The following PCDHGB4 variants were observed in gnomAD, a reference collection of about 807,000 sequenced individuals.
PCDHGB4 encodes the protein protocadherin gamma-B4.
PCDHGB4 carries 38 observed loss-of-function variants against 60.5 expected under a neutral mutation model. The ratio of observed to expected loss-of-function variants is 0.63; its 90% CI spans 0.48 to 0.82. PCDHGB4 has a LOEUF of 0.82. PCDHGB4 is among the 40% of genes least tolerant of loss of function. The pLI, the probability that PCDHGB4 is intolerant of heterozygous loss-of-function variation, is 0.00. For synonymous variants in PCDHGB4, 456 were observed against 509.7 expected (o/e 0.89, Z 1.42); for missense variants, 1,109 against 1,209.6 (o/e 0.92, Z 1.23).
chr5:141,504,956 G>A (rs1327603937), intron 2 of PCDHGB4, among the ~76,000 whole-genome samples: 1 of 152,096 alleles, frequency 6.6e-6, no homozygotes, highest in Non-Finnish European at 1.5e-5. Context: ...TATGTTCAAT[G>A]CATTGGACCA....
intron 1 of PCDHGB4, chr5:141,405,447 T>C (rs2094668355): frequency 7.5e-7 from 1 of 1,339,134 alleles, no homozygotes; most frequent in South Asian, 1.3e-5. Flanking sequence ...TGAGACAGAG[T>C]CTTACTCTGT....
chr5:141,409,809 A>T (rs754765049), intron 1 of PCDHGB4: 62 of 1,611,424 alleles, frequency 3.8e-5, no homozygotes, highest in Non-Finnish European at 7.6e-6. Context: ...CAGGCCCGCG[A>T]CCACGGCTCG....
chr5:141,437,408 G>A (rs1591455458), intron 1 of PCDHGB4, among the ~76,000 whole-genome samples: 1 of 152,200 alleles, frequency 6.6e-6, no homozygotes, highest in Non-Finnish European at 1.5e-5. Flanking sequence ...CATTCCAGAA[G>A]TATTATGCTT....
chr5:141,494,782 C>T, intron 1 of PCDHGB4, 25 bp from the exon 2 acceptor site: 1 of 1,614,110 alleles, frequency 6.2e-7, no homozygotes. Context: ...GGTACTCAGC[C>T]CCTTTCCCTC....
At chr5:141,400,097 A>C (rs753507768) in intron 1 of PCDHGB4, 1 of 1,614,048 alleles carries the variant, frequency 6.2e-7, no homozygotes, top group South Asian at 1.1e-5. Context: ...GCCACGCTGC[A>C]CTTGGTCTTT....
chr5:141,434,044 A>T (rs2097670450), intron 1 of PCDHGB4, among the ~76,000 whole-genome samples: 2 of 152,132 alleles, frequency 1.3e-5, no homozygotes, highest in South Asian at 4.1e-4. Flanking sequence ...TTTCTATTTT[A>T]TTCAATGGCC....
chr5:141,423,848 G>C (rs1353181066), intron 1 of PCDHGB4: 1 of 1,277,462 alleles, frequency 7.8e-7, no homozygotes, highest in Non-Finnish European at 9.9e-7. Flanking sequence ...TAATCTTTCA[G>C]AACGTTTTTG....
rs754536860 is a variant in PCDHGB4, at chr5:141,432,221, A to G, written c.2397+41940A>G. The G allele has an allele frequency of 2.5e-6, 4 of 1,614,190 alleles. No homozygotes were observed. The South Asian group carries it at 4.4e-5, about 18-fold the overall frequency. ...CGACTGTGAAGAGAACGCCCAGATC[A>G]CTTATTCCCTGGCTGAGAACACCAT... On this transcript the variant is annotated intron_variant, in intron 1 of 3. Coordinates refer to ENST00000519479, the MANE Select transcript of PCDHGB4 (RefSeq NM_003736.4). The surrounding 1 kb of genome is among the most constrained non-coding windows in gnomAD (Gnocchi z 6.0).
chr5:141,428,007 A>G, intron 1 of PCDHGB4: 1 of 1,602,018 alleles, frequency 6.2e-7, no homozygotes, highest in Non-Finnish European at 8.5e-7. Flanking sequence ...ACTCTTCGAT[A>G]TAGTGCCACG....
In PCDHGB4 at chr5:141,431,940, T is replaced by G; in HGVS notation, c.2397+41659T>G. ...ATCCAAGGAAATCTGCCCTTTAAAT[T>G]AGAAAAATCTTACGGAAATTACTAT... On this transcript the variant is annotated intron_variant, in intron 1 of 3. Coordinates refer to ENST00000519479, the MANE Select transcript of PCDHGB4 (RefSeq NM_003736.4). The surrounding 1 kb of genome is among the most constrained non-coding windows in gnomAD (Gnocchi z 4.8). 2 of 1,614,132 alleles carry G rather than the reference T, an allele frequency of 1.2e-6. No homozygotes were observed. Among genetic ancestry groups the G allele is most frequent in the Non-Finnish European group, 1.7e-6 (2 of 1,179,998 alleles).
At position 141,476,827 on chromosome 5, in the gene PCDHGB4, G is replaced by A; in HGVS notation, c.2398-17980G>A. On this transcript the variant is annotated intron_variant, in intron 1 of 3. Transcript: ENST00000519479. The surrounding 1 kb of genome is among the most constrained non-coding windows in gnomAD (Gnocchi z 7.6). ...CTATTCACATCAAGGTGCTGGACGC[G>A]AATGACAATGCGCCTGTCTTCAACC... The A allele has an allele frequency of 1.2e-6, 2 of 1,613,542 alleles. No individual in the cohort carries two copies. Among genetic ancestry groups the A allele is most frequent in the Non-Finnish European group, 1.7e-6 (2 of 1,180,046 alleles).
At chr5:141,405,708 C>T (rs1328051668) in intron 1 of PCDHGB4, among the ~76,000 whole-genome samples, 2 of 152,164 alleles carry the variant, frequency 1.3e-5, no homozygotes, top group African/African-American at 4.8e-5. Context: ...GAATTCCTAA[C>T]CTCAAGTGAT....
rs1362252002 is a variant in PCDHGB4, at chr5:141,486,112, G to C, written c.2398-8695G>C. ...TGGGGCCCCTAGACTTTGAGAGTGA[G>C]AATTACTATGAATTTGATGTGCGGG... On this transcript the variant is annotated intron_variant, in intron 1 of 3. Coordinates refer to ENST00000519479, the MANE Select transcript of PCDHGB4 (RefSeq NM_003736.4). The surrounding 1 kb of genome is among the most constrained non-coding windows in gnomAD (Gnocchi z 5.0). 6 of 1,614,166 alleles carry C rather than the reference G, an allele frequency of 3.7e-6. No individual in the cohort carries two copies. The highest frequency in any genetic ancestry group is 1.7e-6 in the Non-Finnish European group (2 of 1,180,024).
In PCDHGB4 at chr5:141,454,796, ATTTTT is replaced by A. The variant is rs61612330; in HGVS notation, c.2398-39986_2398-39982del. Among the ~76,000 whole-genome samples the A allele has an allele frequency of 4.9e-3, 378 of 77,354 alleles. 2 individuals carry two copies. Among genetic ancestry groups the A allele is most frequent in the Admixed American group, 9.2e-3 (51 of 5,544 alleles). 50.7% of individuals were successfully genotyped at this position (77,354 alleles called of 152,430 possible). On this transcript the variant is annotated intron_variant, in intron 1 of 3. Coordinates refer to ENST00000519479, the MANE Select transcript of PCDHGB4 (RefSeq NM_003736.4). ...AAGGAAATAATCCTCCATGGTTCTA[ATTTTT>A]TTTTTTTTTTTTTTTTTTTTTTTTG...
Position 141,491,573 on chromosome 5 carries a change from T to G in PCDHGB4, c.2398-3234T>G. The G allele has an allele frequency of 6.2e-7, 1 of 1,613,912 alleles. No individual in the cohort carries two copies. The highest frequency in any genetic ancestry group is 8.5e-7 in the Non-Finnish European group (1 of 1,180,030). The stretch of plus-strand genomic sequence containing the variant: ...CAGAGCCACTGCTACAGGACGTGCT[T>G]TTCACCGGCCTCGGACGGCAGTGAC... On this transcript the variant is annotated intron_variant, in intron 1 of 3. Transcript: ENST00000519479. The surrounding 1 kb of genome is among the most constrained non-coding windows in gnomAD (Gnocchi z 6.9).
intron 1 of PCDHGB4, chr5:141,415,663 T>C: frequency 6.3e-7 from 1 of 1,578,204 alleles, no homozygotes; most frequent in Non-Finnish European, 8.6e-7. Flanking sequence ...GATTGGTTTT[T>C]ACTTTGAAGT....
chr5:141,486,653 C>G lies in PCDHGB4; in HGVS notation c.2398-8154C>G. On this transcript the variant is annotated intron_variant, in intron 1 of 3. Transcript: ENST00000519479. This position sits in a 1 kb window ranked among gnomAD's most constrained non-coding sequence, Gnocchi z 5.0. ...CTTGAATGCGCTTATCTCCTACTCA[C>G]TCCTGGAGCCCAGGAATCGAGATGT... is the stretch of plus-strand genomic sequence containing the variant. 1 of 1,613,968 alleles carries G rather than the reference C, an allele frequency of 6.2e-7. No individual in the cohort carries two copies. Among genetic ancestry groups the G allele is most frequent in the Non-Finnish European group, 8.5e-7 (1 of 1,180,034 alleles).
In PCDHGB4 at chr5:141,431,779, G is replaced by A; in HGVS notation, c.2397+41498G>A. 2 of 1,614,232 alleles carry A rather than the reference G, an allele frequency of 1.2e-6. No individual in the cohort carries two copies. Among genetic ancestry groups the A allele is most frequent in the Non-Finnish European group, 1.7e-6 (2 of 1,180,030 alleles). ...AAGTCCTGATCACTGTTCTGGACGT[G>A]AACGACAATGCCCCAGAAGTGGTCC... On this transcript the variant is annotated intron_variant, in intron 1 of 3. Transcript: ENST00000519479. This position sits in a 1 kb window ranked among gnomAD's most constrained non-coding sequence, Gnocchi z 4.8.
At chr5:141,393,349 C>G in intron 1 of PCDHGB4, 1 of 1,613,964 alleles carries the variant, frequency 6.2e-7, no homozygotes, top group Non-Finnish European at 8.5e-7. Context: ...CACCACTTCT[C>G]CCTGGACGTG....
Sources: gnomAD v4.1 joint callset for allele counts (sites outside exome capture counted in the v4.1 genomes callset) on GRCh38, gnomAD v4.1.1 for gene constraint, Gnocchi (gnomAD v3.1) non-coding constraint, MANE v1.5 for transcripts, NCBI Gene and HGNC (gene_info 2026-07-23, HGNC 2026-07-21) for gene names.